The following GAS2 variants were observed in gnomAD, a reference collection of about 807,000 sequenced individuals.
The protein encoded by GAS2 is growth arrest specific 2.
Under a neutral mutation model 37.5 loss-of-function variants are expected in GAS2, and 20 were observed. The ratio of observed to expected loss-of-function variants is 0.53; its 90% CI spans 0.37 to 0.77. The LOEUF (loss-of-function observed/expected upper bound fraction) is 0.77, where lower values mean the gene tolerates loss of function less well. Ranked by LOEUF, GAS2 falls within the 30% of genes least tolerant of loss-of-function variation. GAS2 has a pLI of 0.00. For synonymous variants in GAS2, 144 were observed against 132.2 expected (o/e 1.09, Z -0.61); for missense variants, 336 against 373.4 (o/e 0.90, Z 0.82).
chr11:22,709,368 G>A (rs965548639), intron 3 of GAS2, among the ~76,000 whole-genome samples: 1 of 152,030 alleles, frequency 6.6e-6, no homozygotes, highest in Non-Finnish European at 1.5e-5. Flanking sequence ...GGCATTCTTT[G>A]TAAATGTAAT....
At chr11:22,774,343 C>G (rs143216898) in intron 7 of GAS2, among the ~76,000 whole-genome samples, 85 of 152,296 alleles carry the variant, frequency 5.6e-4, no homozygotes, top group African/African-American at 1.7e-3. Flanking sequence ...TATTCTGTTA[C>G]AAGTATTTCT....
At chr11:22,698,006 C>A (rs1304124391) in intron 3 of GAS2, among the ~76,000 whole-genome samples, 1 of 152,260 alleles carries the variant, frequency 6.6e-6, no homozygotes, top group East Asian at 1.9e-4. Flanking sequence ...TGAGAGAGGG[C>A]ATCCCTGTCT....
chr11:22,655,286 T>G (rs945920530), intron 1 of GAS2, among the ~76,000 whole-genome samples: 13 of 152,230 alleles, frequency 8.5e-5, no homozygotes, highest in Non-Finnish European at 1.9e-4. Flanking sequence ...TATTTATATG[T>G]AGCAATTATT....
At chr11:22,662,281 A>G (rs1055982163), upstream of GAS2, among the ~76,000 whole-genome samples, 1 of 152,250 alleles carries the variant, frequency 6.6e-6, no homozygotes, top group Non-Finnish European at 1.5e-5. Context: ...ACATTTTACC[A>G]GATGAAATGC....
At position 22,811,214 on chromosome 11, in the gene GAS2, T is replaced by G. The variant is rs566296581; in HGVS notation, c.724-584T>G. 4.6e-5 allele frequency among the ~76,000 whole-genome samples: 7 copies of G among 152,260 alleles called. No homozygotes were observed. The South Asian group carries it at 1.5e-3, about 32-fold the overall frequency. ...TTTAAAAGACATATTCTACGATAATTAGGAAGAAAAAGAATAAAGAAAAAC... is the reference window on the plus strand; with the variant it reads ...TTTAAAAGACATATTCTACGATAATGAGGAAGAAAAAGAATAAAGAAAAAC... On this transcript the variant is annotated intron_variant, in intron 7 of 7. Transcript: ENST00000454584.
chr11:22,696,225 G>A (rs1850508036), intron 3 of GAS2, among the ~76,000 whole-genome samples: 1 of 151,390 alleles, frequency 6.6e-6, no homozygotes, highest in African/African-American at 2.4e-5. Context: ...AGTTTACTGA[G>A]AATGATGATT....
intron 3 of GAS2, among the ~76,000 whole-genome samples, chr11:22,697,041 T>A (rs1242242903): frequency 2.6e-5 from 4 of 152,014 alleles, no homozygotes; most frequent in African/African-American, 9.7e-5. Flanking sequence ...TGAATGGTAA[T>A]GCCTAGGTTT....
At chr11:22,777,377 T>C (rs913188513) in intron 7 of GAS2, among the ~76,000 whole-genome samples, 1 of 152,108 alleles carries the variant, frequency 6.6e-6, no homozygotes, top group African/African-American at 2.4e-5. Context: ...ATTACACAAA[T>C]AAAATAAGAC....
At chr11:22,806,378 T>C (rs1488378620) in intron 7 of GAS2, among the ~76,000 whole-genome samples, 1 of 152,214 alleles carries the variant, frequency 6.6e-6, no homozygotes, top group Non-Finnish European at 1.5e-5. Context: ...CGCCATATCT[T>C]GGCTATTGTG....
At chr11:22,628,841 C>T (rs1163397756) in intron 1 of GAS2, among the ~76,000 whole-genome samples, 2 of 152,168 alleles carry the variant, frequency 1.3e-5, no homozygotes, top group African/African-American at 4.8e-5. Flanking sequence ...TCTGCCTTTG[C>T]ATACCCATAG....
chr11:22,761,089 T>C (rs527344284), intron 7 of GAS2, among the ~76,000 whole-genome samples: 1 of 152,320 alleles, frequency 6.6e-6, no homozygotes, highest in African/African-American at 2.4e-5. Flanking sequence ...ATTTTGGAAA[T>C]TGATATTGTT....
At chr11:22,641,290 TTA>T (rs1224989344) in intron 1 of GAS2, among the ~76,000 whole-genome samples, 74 of 115,640 alleles carry the variant, frequency 6.4e-4, no homozygotes, top group Non-Finnish European at 1.0e-3. Context: ...ATCTATATCT[TTA>T]TATATATATC....
chr11:22,699,776 T>G (rs956773591), intron 3 of GAS2, among the ~76,000 whole-genome samples: 1 of 152,102 alleles, frequency 6.6e-6, no homozygotes, highest in Non-Finnish European at 1.5e-5. Context: ...AAGCACTGAG[T>G]GGTACCTAGT....
intron 3 of GAS2, among the ~76,000 whole-genome samples, chr11:22,721,427 G>A (rs1297863566): frequency 6.6e-6 from 1 of 152,016 alleles, no homozygotes; most frequent in Non-Finnish European, 1.5e-5. Context: ...TGACTTTCAT[G>A]TTTGTATGTC....
chr11:22,795,780 A>G (rs1229237824), intron 7 of GAS2, among the ~76,000 whole-genome samples: 3 of 152,130 alleles, frequency 2.0e-5, no homozygotes, highest in South Asian at 2.1e-4. Flanking sequence ...GGTGACTTCT[A>G]TTTTAACAAG....
chr11:22,669,385 T>C (rs1590596923), intron 1 of GAS2, among the ~76,000 whole-genome samples: 1 of 152,196 alleles, frequency 6.6e-6, no homozygotes. Context: ...GTATGATTTC[T>C]TTAAAACTTT....
chr11:22,748,445 C>A (rs1273469466), intron 5 of GAS2, among the ~76,000 whole-genome samples: 1 of 152,020 alleles, frequency 6.6e-6, no homozygotes, highest in African/African-American at 2.4e-5. Flanking sequence ...ATGTCTCTCC[C>A]TTTGAACTTT....
chr11:22,708,997 A>G (rs373218889), intron 3 of GAS2, among the ~76,000 whole-genome samples: 50 of 152,290 alleles, frequency 3.3e-4, no homozygotes, highest in South Asian at 1.9e-3. Flanking sequence ...TAGCATGGCT[A>G]CAGGAGACAG....
intron 7 of GAS2, among the ~76,000 whole-genome samples, chr11:22,781,273 A>T (rs1465058268): frequency 6.6e-6 from 1 of 151,976 alleles, no homozygotes; most frequent in African/African-American, 2.4e-5. Flanking sequence ...TGAGGTGGGG[A>T]TGGGGGGTCT....
Sources: gnomAD v4.1 joint callset for allele counts (sites outside exome capture counted in the v4.1 genomes callset) on GRCh38, gnomAD v4.1.1 for gene constraint, MANE v1.5 for transcripts, NCBI Gene and HGNC (gene_info 2026-07-23, HGNC 2026-07-21) for gene names.